The following ZNF529 variants were observed in gnomAD, a reference collection of about 807,000 sequenced individuals.
ZNF529 encodes zinc finger protein 529.
In ZNF529, 11 loss-of-function variants were observed where a neutral mutation model predicts 10.1. The observed-to-expected ratio is 1.09, with a 90% CI of 0.69 to 1.81. The LOEUF is 1.81. Among genes scored for constraint, ZNF529 ranks in the 40% most tolerant of loss-of-function variants. ZNF529 has a pLI of 0.00. For synonymous variants in ZNF529, 204 were observed against 215.7 expected (o/e 0.95, Z 0.47); for missense variants, 624 against 666.8 (o/e 0.94, Z 0.71).
At position 36,546,730 on chromosome 19, in the gene ZNF529, A is replaced by T. The variant is rs1600235569; in HGVS notation, c.*136T>A. On this transcript the variant is annotated 3_prime_UTR_variant, in exon 5 of 5. Coordinates refer to ENST00000591340, the MANE Select transcript of ZNF529 (RefSeq NM_020951.5). Reference sequence around the variant, plus strand: ...GCTATGACTAAGCAATTCTACGTCTACATACAGAATGACCATGAAGTCTAA... The same window carrying T: ...GCTATGACTAAGCAATTCTACGTCTTCATACAGAATGACCATGAAGTCTAA... 1 of 884,192 alleles carries T rather than the reference A, an allele frequency of 1.1e-6. No homozygotes were observed. The highest frequency in any genetic ancestry group is 1.7e-6 in the Non-Finnish European group (1 of 587,108). The allele number at this position is 884,192 out of a possible 1,614,324, so 54.8% of individuals were successfully genotyped here.
intron 2 of ZNF529, among the ~76,000 whole-genome samples, chr19:36,567,074 A>G (rs1339963998): frequency 6.6e-6 from 1 of 152,162 alleles, no homozygotes; most frequent in East Asian, 1.9e-4. Context: ...AAGCTGGAAG[A>G]CTGATATTTC....
intron 2 of ZNF529, among the ~76,000 whole-genome samples, chr19:36,565,742 T>C (rs1004917609): frequency 6.6e-6 from 1 of 152,046 alleles, no homozygotes; most frequent in East Asian, 1.9e-4. Flanking sequence ...GGTACCTAAA[T>C]AGGCAAATAC....
chr19:36,573,412 C>A (rs767645081), upstream of ZNF529: 2 of 468,260 alleles, frequency 4.3e-6, no homozygotes, highest in South Asian at 3.1e-5. Context: ...GCAGGGGCCG[C>A]ACCACGCCCC....
chr19:36,548,011 C>G lies in ZNF529; in HGVS notation c.547G>C (p.Asp183His). 6.2e-7 allele frequency: 1 copy of G among 1,613,758 alleles called. No individual in the cohort carries two copies. Among genetic ancestry groups the G allele is most frequent in the Non-Finnish European group, 8.5e-7 (1 of 1,179,826 alleles). Residue 183 changes from aspartate to histidine, a missense_variant, in exon 5 of 5, where the codon GAC (aspartate) becomes CAC (histidine). Physicochemically the swap from Asp to His is moderately conservative, Grantham distance 81 (BLOSUM62 -1). Coordinates refer to ENST00000591340, the MANE Select transcript of ZNF529 (RefSeq NM_020951.5). The part of the protein sequence containing the change: ...YKEYEKVFSC[D>H]LEFDEYQKIH... ...TTCTGATATTCATCAAACTCTAAGT[C>G]ACAACTGAAGACCTTCTCATATTCC...
Position 36,565,783 on chromosome 19 carries a change from C to T in ZNF529, c.14+6550G>A, listed in dbSNP as rs561529377. Among the ~76,000 whole-genome samples the T allele has an allele frequency of 1.2e-4, 18 of 152,220 alleles. 1 individual carries two copies. The East Asian group carries it at 3.5e-3, about 29-fold the overall frequency. The stretch of plus-strand genomic sequence containing the variant: ...TCTATTGCATCTTGGGCTTGCAGGT[C>T]CTCTTTATTTCCCCAATATGATTTA... On this transcript the variant is annotated intron_variant, in intron 2 of 4. Coordinates refer to ENST00000591340, the MANE Select transcript of ZNF529 (RefSeq NM_020951.5).
chr19:36,583,740 C>G (rs2145250293), intron 2 of ZNF529, among the ~76,000 whole-genome samples: 1 of 151,606 alleles, frequency 6.6e-6, no homozygotes, highest in South Asian at 2.1e-4. Flanking sequence ...AAAAAATAAC[C>G]AGAGAAAATT....
intron 1 of ZNF529, among the ~76,000 whole-genome samples, chr19:36,595,948 T>G (rs1235782892): frequency 6.6e-6 from 1 of 152,006 alleles, no homozygotes; most frequent in African/African-American, 2.4e-5. Flanking sequence ...ATTAATAATT[T>G]CTAGTCTCCT....
At chr19:36,574,749 C>G (rs776624132), upstream of ZNF529, 18 of 463,590 alleles carry the variant, frequency 3.9e-5, no homozygotes, top group Non-Finnish European at 4.0e-5. Flanking sequence ...TTCTGAACAG[C>G]ACTCCATTGT....
intron 2 of ZNF529, among the ~76,000 whole-genome samples, chr19:36,560,161 G>A (rs1380989465): frequency 6.6e-6 from 1 of 150,748 alleles, no homozygotes; most frequent in African/African-American, 2.4e-5. Flanking sequence ...GGAGGCTGAG[G>A]CAGAACAATC....
chr19:36,590,001 T>A (rs2145268668), intron 1 of ZNF529, among the ~76,000 whole-genome samples: 1 of 152,228 alleles, frequency 6.6e-6, no homozygotes, highest in East Asian at 1.9e-4. Flanking sequence ...TTCTATATAA[T>A]CCATAGGTTA....
In ZNF529 at chr19:36,556,128, G is replaced by C; in HGVS notation, c.84C>G (p.Phe28Leu). The C allele has an allele frequency of 6.5e-7, 1 of 1,550,154 alleles. No homozygotes were observed. Among genetic ancestry groups the C allele is most frequent in the Non-Finnish European group, 8.7e-7 (1 of 1,145,626 alleles). ...VMPEVEFPDQ[F>L]FTVLTMDHEL... is the part of the protein sequence containing the mutation. The stretch of plus-strand genomic sequence containing the variant: ...CATGGTCCATGGTTAGAACTGTAAA[G>C]AATTGGTCAGGGAATTCCACTTCTG... Residue 28 changes from phenylalanine (F) to leucine (L), a missense_variant, in exon 3 of 5, where the codon TTC becomes TTG. Coordinates refer to ENST00000591340, the MANE Select transcript of ZNF529 (RefSeq NM_020951.5).
Position 36,543,746 on chromosome 19 carries a change from T to A in ZNF529, c.*3120A>T, listed in dbSNP as rs1051777003. ...GTGGACTTTCCTTTGTGTGTGAGCA[T>A]AGGAAGAGACGTCTCTCCTTCCTCT... On this transcript the variant is annotated 3_prime_UTR_variant, in exon 5 of 5. Transcript: ENST00000591340. 6.6e-6 allele frequency: 1 copy of A among 152,140 alleles called. No individual in the cohort carries two copies. The highest frequency in any genetic ancestry group is 1.5e-5 in the Non-Finnish European group (1 of 68,036). 9.4% of individuals were successfully genotyped at this position (152,140 alleles called of 1,614,324 possible).
chr19:36,568,451 T>C (rs2035975806), intron 2 of ZNF529, among the ~76,000 whole-genome samples: 1 of 151,054 alleles, frequency 6.6e-6, no homozygotes, highest in Non-Finnish European at 1.5e-5. Context: ...AGGTACTGGT[T>C]TCTGTTTTAT....
At chr19:36,592,284 C>CAAAA (rs35717465) in intron 1 of ZNF529, among the ~76,000 whole-genome samples, 537 of 48,610 alleles carry the variant, frequency 0.011, no homozygotes, top group Non-Finnish European at 0.012. Flanking sequence ...GACTTTGTCT[C>CAAAA]AAAAAAAAAA....
intron 2 of ZNF529, among the ~76,000 whole-genome samples, chr19:36,559,178 T>C (rs1200518652): frequency 6.6e-6 from 1 of 152,348 alleles, no homozygotes; most frequent in Non-Finnish European, 1.5e-5. Context: ...TTGTACACTG[T>C]CAGGGATGTA....
At chr19:36,574,725 G>A, upstream of ZNF529, 5 of 440,596 alleles carry the variant, frequency 1.1e-5, no homozygotes, top group South Asian at 8.4e-5. Flanking sequence ...TTCATGTGTA[G>A]TTCATTTTTC....
intron 2 of ZNF529, among the ~76,000 whole-genome samples, chr19:36,567,228 A>G (rs112387826): frequency 1.6e-3 from 244 of 152,332 alleles, no homozygotes; most frequent in African/African-American, 5.7e-3. Flanking sequence ...AAGGGTGCCA[A>G]TCTAATGAAA....
intron 1 of ZNF529, among the ~76,000 whole-genome samples, chr19:36,602,443 CT>C (rs34137129): frequency 0.3 from 44,680 of 146,542 alleles, 6,576 homozygotes; most frequent in African/African-American, 0.34. Context: ...TATTACTCTC[CT>C]TTTTTTTTTT....
chr19:36,602,934 A>AG (rs2036951845), intron 1 of ZNF529, among the ~76,000 whole-genome samples: 1 of 83,916 alleles, frequency 1.2e-5, no homozygotes, highest in African/African-American at 4.5e-5. Context: ...CCGTCTCAAA[A>AG]GAAAAAAAAA....
Sources: gnomAD v4.1 joint callset for allele counts (sites outside exome capture counted in the v4.1 genomes callset) on GRCh38, gnomAD v4.1.1 for gene constraint, MANE v1.5 for transcripts, NCBI Gene and HGNC (gene_info 2026-07-23, HGNC 2026-07-21) for gene names.